Variants in MBOAT4 observed in about 807,000 individuals in gnomAD.
MBOAT4 encodes the protein membrane-bound ghrelin O-acyltransferase MBOAT4.
In MBOAT4, 11 loss-of-function variants were observed where a neutral mutation model predicts 13.2. The ratio of observed to expected loss-of-function variants is 0.84; its 90% CI spans 0.53 to 1.38. The LOEUF (loss-of-function observed/expected upper bound fraction) is 1.38, where lower values mean the gene tolerates loss of function less well. Among genes scored for constraint, MBOAT4 ranks in the 40% most tolerant of loss-of-function variants. MBOAT4 has a pLI of 0.00. For missense variants in MBOAT4, 481 were observed against 527.2 expected (o/e 0.91, Z 0.86); for synonymous variants, 202 against 210.3 (o/e 0.96, Z 0.34).
chr8:30,134,455 A>C (rs1324691239), intron 2 of MBOAT4, among the ~76,000 whole-genome samples: 5 of 151,994 alleles, frequency 3.3e-5, no homozygotes, highest in East Asian at 1.9e-4. Flanking sequence ...ACAAAAAAAA[A>C]CTTTGTCTTC....
At chr8:30,138,220 C>T (rs528524684) in intron 2 of MBOAT4, 23 of 222,550 alleles carry the variant, frequency 1.0e-4, no homozygotes, top group African/African-American at 4.4e-4. Flanking sequence ...GCCTGTCTCC[C>T]GCACAGCCAG....
intron 2 of MBOAT4, 85 bp downstream of exon 2, chr8:30,138,446 AC>A (rs1284348703): frequency 2.4e-5 from 26 of 1,099,296 alleles, no homozygotes; most frequent in African/African-American, 3.2e-5. Context: ...TAGGACTCCA[AC>A]CCAACACCCA....
intron 2 of MBOAT4, among the ~76,000 whole-genome samples, chr8:30,135,678 G>A (rs375352734): frequency 6.6e-6 from 1 of 152,110 alleles, no homozygotes; most frequent in East Asian, 1.9e-4. Context: ...GGAGGCTGAG[G>A]TGAGGTGGGC....
chr8:30,138,884 G>A (rs141665954), intron 1 of MBOAT4, 128 bp from the exon 2 acceptor site: 1 of 625,216 alleles, frequency 1.6e-6, no homozygotes, highest in Non-Finnish European at 2.8e-6. Flanking sequence ...CATGCTGTTT[G>A]CACTCTGGGG....
In MBOAT4 at chr8:30,131,996, C is replaced by A; in HGVS notation, c.1255G>T (p.Val419Leu). The A allele has an allele frequency of 6.4e-7, 1 of 1,552,052 alleles. No individual in the cohort carries two copies. The highest frequency in any genetic ancestry group is 1.2e-5 in the South Asian group (1 of 84,058). Residue 419 changes from valine to leucine, a missense_variant, in exon 3 of 3, where the codon GTG (valine) becomes TTG (leucine). Transcript: ENST00000320542. ...CNSYNSVFPMVYCILLLLLAK... is the reference protein window; with the variant it reads ...CNSYNSVFPMLYCILLLLLAK... The stretch of plus-strand genomic sequence containing the variant: ...AATAGCAAAAGCAGAATACAGTACA[C>A]CATGGGAAAGACACTGTTGTACGAA...
At chr8:30,143,883 C>T (rs988407778) in intron 1 of MBOAT4, among the ~76,000 whole-genome samples, 1 of 152,170 alleles carries the variant, frequency 6.6e-6, no homozygotes, top group Non-Finnish European at 1.5e-5. Flanking sequence ...TTGGAGAATT[C>T]CTGTACCATC....
chr8:30,132,019 G>A lies in MBOAT4; in HGVS notation c.1232C>T (p.Ser411Leu), dbSNP rs1240971747. ...SLSSLWLLCN[S>L]YNSVFPMVYC... ...CACCATGGGAAAGACACTGTTGTAC[G>A]AATTACAGAGCAACCAGAGAGAGGA... The change falls in exon 3 of 3, where the codon TCG becomes TTG. Residue 411 changes from serine (S) to leucine (L), a missense_variant. Transcript: ENST00000320542. 5 of 1,551,914 alleles carry A rather than the reference G, an allele frequency of 3.2e-6. No individual in the cohort carries two copies. Among genetic ancestry groups the A allele is most frequent in the South Asian group, 2.4e-5 (2 of 84,036 alleles).
intron 2 of MBOAT4, 130 bp downstream of exon 2, chr8:30,138,402 T>C (rs117368497): frequency 0.022 from 14,005 of 645,790 alleles, 184 homozygotes; most frequent in Non-Finnish European, 0.027. Context: ...TAAAATGACT[T>C]GCTCAAGGTC....
In MBOAT4 at chr8:30,131,913, G is replaced by A. The variant is rs140206935; in HGVS notation, c.*30C>T. On this transcript the variant is annotated 3_prime_UTR_variant, in exon 3 of 3. Transcript: ENST00000320542. ...CTGGCACTTTCTAAAATGTTTCCTG[G>A]GTGTTTAAGGTGAAAGCCAGGGAAA... 2 of 1,517,480 alleles carry A rather than the reference G, an allele frequency of 1.3e-6. No homozygotes were observed. The highest frequency in any genetic ancestry group is 4.3e-5 in the Admixed American group (2 of 46,282). The allele number at this position is 1,517,480 out of a possible 1,614,324, so 94.0% of individuals were successfully genotyped here.
Position 30,132,829 on chromosome 8 carries a change from T to C in MBOAT4, c.422A>G (p.Lys141Arg). The change falls in exon 3 of 3, where the codon AAA becomes AGA. Residue 141 changes from lysine (K) to arginine (R), a missense_variant. Coordinates refer to ENST00000320542, the MANE Select transcript of MBOAT4 (RefSeq NM_001100916.2). ...TSLSLDICEG[K>R]VKAASGGFRS... ...GAAGCCTCCAGATGCTGCCTTCACT[T>C]TCCCCTCACAAATGTCCAGAGAGAG... The C allele has an allele frequency of 6.4e-7, 1 of 1,551,722 alleles. No homozygotes were observed. Among genetic ancestry groups the C allele is most frequent in the Non-Finnish European group, 8.7e-7 (1 of 1,146,992 alleles).
intron 1 of MBOAT4, among the ~76,000 whole-genome samples, chr8:30,139,551 TC>T: frequency 6.6e-6 from 1 of 152,240 alleles, no homozygotes; most frequent in South Asian, 2.1e-4. Flanking sequence ...ACTCAACACT[TC>T]CCTTCGAAAA....
intron 2 of MBOAT4, chr8:30,138,274 T>C: frequency 2.9e-6 from 1 of 345,420 alleles, no homozygotes; most frequent in Non-Finnish European, 5.4e-6. Flanking sequence ...CCCCTGTTTG[T>C]CTAGGCAGTG....
At position 30,132,245 on chromosome 8, in the gene MBOAT4, A is replaced by G; in HGVS notation, c.1006T>C (p.Trp336Arg). Residue 336 changes from tryptophan (W) to arginine (R), a missense_variant, in exon 3 of 3, where the codon TGG (tryptophan) becomes CGG (arginine). By Grantham distance (101) the Trp-to-Arg change is moderately radical. Coordinates refer to ENST00000320542, the MANE Select transcript of MBOAT4 (RefSeq NM_001100916.2). ...PLLQTFAFSA[W>R]WHGLHPGQVF... is the part of the protein sequence containing the mutation. ...TGTCCTGGATGGAGTCCATGCCACC[A>G]GGCAGAGAAGGCAAATGTCTGCAAC... 1 of 1,551,820 alleles carries G rather than the reference A, an allele frequency of 6.4e-7. No homozygotes were observed. Among genetic ancestry groups the G allele is most frequent in the Non-Finnish European group, 8.7e-7 (1 of 1,147,016 alleles).
intron 1 of MBOAT4, 78 bp from the exon 2 acceptor site, chr8:30,138,834 G>A (rs777141597): frequency 2.4e-5 from 28 of 1,148,554 alleles, no homozygotes; most frequent in Non-Finnish European, 3.5e-5. Flanking sequence ...TCACTCCAGG[G>A]AACCCGATCT....
chr8:30,137,494 G>A (rs1335117204), intron 2 of MBOAT4: 3 of 1,551,072 alleles, frequency 1.9e-6, no homozygotes, highest in Non-Finnish European at 2.6e-6. Flanking sequence ...TCCCTCTCAG[G>A]CACAATGACA....
chr8:30,131,736 C>T lies in MBOAT4; in HGVS notation c.*207G>A, dbSNP rs1438795502. The T allele has an allele frequency of 2.3e-5, 12 of 525,422 alleles. No homozygotes were observed. Among genetic ancestry groups the T allele is most frequent in the Admixed American group, 3.7e-5 (1 of 27,290 alleles). The allele number at this position is 525,422 out of a possible 1,614,324, so 32.5% of individuals were successfully genotyped here. ...TAAACCTTAAGGGAAGAAACCACAT[C>T]TTTTTCCTTTTTGTATCCTCAGTAC... On this transcript the variant is annotated 3_prime_UTR_variant, in exon 3 of 3. Coordinates refer to ENST00000320542, the MANE Select transcript of MBOAT4 (RefSeq NM_001100916.2).
chr8:30,141,621 G>C (rs1315840921), intron 1 of MBOAT4, among the ~76,000 whole-genome samples: 1 of 152,120 alleles, frequency 6.6e-6, no homozygotes, highest in African/African-American at 2.4e-5. Context: ...CTGGGTGACA[G>C]AGAGAGACTC....
rs1314443197 is a variant in MBOAT4 at position 30,132,098 on chromosome 8, G to C, written c.1153C>G (p.His385Asp). The change falls in exon 3 of 3, where the codon CAC (histidine) becomes GAC (aspartate). Residue 385 changes from histidine (H) to aspartate (D), a missense_variant. Transcript: ENST00000320542. Reference sequence around the variant, plus strand: ...ATGTAGGCAATGATCAACTGGGTGTGGGCCCAGGTGAGGGTTCTATAGAAC... The same window carrying C: ...ATGTAGGCAATGATCAACTGGGTGTCGGCCCAGGTGAGGGTTCTATAGAAC... The part of the protein sequence containing the change: ...RLFYRTLTWA[H>D]TQLIIAYIML... 6.4e-6 allele frequency: 10 copies of C among 1,551,706 alleles called. No homozygotes were observed. In the Admixed American group the frequency reaches 7.8e-5, roughly 12 times the overall value.
chr8:30,134,347 T>C (rs1210400867), intron 2 of MBOAT4, among the ~76,000 whole-genome samples: 1 of 151,082 alleles, frequency 6.6e-6, no homozygotes, highest in Admixed American at 6.6e-5. Flanking sequence ...CACTGGAACC[T>C]GGGAGGCGGA....
Sources: allele counts gnomAD v4.1 joint callset (sites outside exome capture counted in the v4.1 genomes callset), GRCh38; gene constraint gnomAD v4.1.1; transcripts MANE v1.5; gene names NCBI Gene and HGNC (gene_info 2026-07-23, HGNC 2026-07-21).